The following GALNT17 variants were observed in gnomAD, a reference collection of about 807,000 sequenced individuals.
The protein encoded by GALNT17 is UDP-GalNAc:polypeptide N-acetylgalactosaminyltransferase-like 3.
Under a neutral mutation model 63.7 loss-of-function variants are expected in GALNT17, and 29 were observed. The ratio of observed to expected loss-of-function variants is 0.46; its 90% CI spans 0.34 to 0.62. GALNT17 has a LOEUF of 0.62. GALNT17 is among the 20% of genes least tolerant of loss of function. GALNT17 has a pLI of 0.01. For missense variants in GALNT17, 603 were observed against 799.6 expected (o/e 0.75, Z 2.97); for synonymous variants, 305 against 318.3 (o/e 0.96, Z 0.45).
chr7:71,326,247 C>T (rs1218146790), intron 1 of GALNT17, among the ~76,000 whole-genome samples: 5 of 152,130 alleles, frequency 3.3e-5, no homozygotes, highest in African/African-American at 1.2e-4. Flanking sequence ...CGCTTGAGTC[C>T]AGGAGTTTGG....
intron 3 of GALNT17, among the ~76,000 whole-genome samples, chr7:71,404,036 T>C (rs1246576117): frequency 6.6e-6 from 1 of 152,202 alleles, no homozygotes; most frequent in Non-Finnish European, 1.5e-5. Context: ...CAAATGCCTT[T>C]GATGGGGTAA....
At chr7:71,701,702 G>T (rs1390862770) in intron 9 of GALNT17, among the ~76,000 whole-genome samples, 1 of 149,098 alleles carries the variant, frequency 6.7e-6, no homozygotes, top group Non-Finnish European at 1.5e-5. Flanking sequence ...AAGAGTGGAT[G>T]GGATAAAGAA....
At chr7:71,682,914 T>C (rs1217215895) in intron 9 of GALNT17, among the ~76,000 whole-genome samples, 1 of 152,038 alleles carries the variant, frequency 6.6e-6, no homozygotes, top group Non-Finnish European at 1.5e-5. Flanking sequence ...GGTGACCACC[T>C]TCTGACTCCC....
At position 71,366,588 on chromosome 7, in the gene GALNT17, A is replaced by AAAC. The variant is rs1401700845; in HGVS notation, c.423-21644_423-21642dup. 3.9e-5 allele frequency among the ~76,000 whole-genome samples: 6 copies of AAAC among 152,008 alleles called. 1 individual carries two copies. On this transcript the variant is annotated intron_variant, in intron 2 of 10. Coordinates refer to ENST00000333538, the MANE Select transcript of GALNT17 (RefSeq NM_022479.3). ...GAGCGAGACTCTGTCTCAAACAAAC[A>AAAC]AACAAACAAGAAATCCTCTTCAAGC... is the stretch of plus-strand genomic sequence containing the variant.
intron 6 of GALNT17, among the ~76,000 whole-genome samples, chr7:71,628,847 G>T (rs574798348): frequency 2.0e-5 from 3 of 152,078 alleles, no homozygotes; most frequent in African/African-American, 4.8e-5. Flanking sequence ...CACGAGAATC[G>T]CTTGAACCCA....
chr7:71,227,174 C>CAAAAAA (rs58450619), intron 1 of GALNT17, among the ~76,000 whole-genome samples: 21 of 60,820 alleles, frequency 3.5e-4, no homozygotes, highest in Admixed American at 6.2e-4. Context: ...ACCGTCTCTA[C>CAAAAAA]AAAAAAAAAA....
At chr7:71,308,774 A>T (rs1882572) in intron 1 of GALNT17, among the ~76,000 whole-genome samples, 10 of 149,756 alleles carry the variant, frequency 6.7e-5, no homozygotes, top group South Asian at 2.2e-4. Context: ...AACAGAGTCA[A>T]GCTCTGTTGC....
chr7:71,449,113 T>TC (rs1563101119), intron 5 of GALNT17, among the ~76,000 whole-genome samples: 3 of 119,192 alleles, frequency 2.5e-5, no homozygotes, highest in African/African-American at 9.7e-5. Context: ...ATTTTCTTTT[T>TC]TTTTTTTTTT....
At position 71,638,343 on chromosome 7, in the gene GALNT17, A is replaced by G. The variant is rs145176376; in HGVS notation, c.1081-27068A>G. On this transcript the variant is annotated intron_variant, in intron 6 of 10. Coordinates refer to ENST00000333538, the MANE Select transcript of GALNT17 (RefSeq NM_022479.3). ...TCTCATCCTGTCACTAAGAACACCTAGCCTCCTGGGAATGCAGCCCAGTAG... is the reference window on the plus strand; with the variant it reads ...TCTCATCCTGTCACTAAGAACACCTGGCCTCCTGGGAATGCAGCCCAGTAG... Among the ~76,000 whole-genome samples, 1,479 of 152,250 alleles carry G rather than the reference A, an allele frequency of 9.7e-3. 26 individuals carry two copies. Among genetic ancestry groups the G allele is most frequent in the African/African-American group, 0.034 (1,402 of 41,536 alleles).
chr7:71,134,376 C>G (rs2116136607), intron 1 of GALNT17, among the ~76,000 whole-genome samples: 1 of 152,326 alleles, frequency 6.6e-6, no homozygotes, highest in Middle Eastern at 3.4e-3. Context: ...TCTCAACTGT[C>G]TTCACTGTGG....
intron 1 of GALNT17, among the ~76,000 whole-genome samples, chr7:71,141,676 TTTC>T (rs1025381361): frequency 1.4e-5 from 2 of 141,828 alleles, no homozygotes; most frequent in African/African-American, 2.7e-5. Context: ...TCTTTCTTTC[TTTC>T]TTTTTTTTTT....
At chr7:71,651,947 C>T (rs1055046573) in intron 6 of GALNT17, among the ~76,000 whole-genome samples, 6 of 152,116 alleles carry the variant, frequency 3.9e-5, no homozygotes, top group Non-Finnish European at 2.9e-5. Context: ...GCAATCCCCC[C>T]CAGCTCGGCC....
intron 2 of GALNT17, among the ~76,000 whole-genome samples, chr7:71,336,429 C>T (rs1286521681): frequency 6.6e-6 from 1 of 152,084 alleles, no homozygotes; most frequent in East Asian, 1.9e-4. Context: ...CACAGGGGTT[C>T]AGCGTACAGA....
At chr7:71,413,977 C>CA (rs1324966142) in intron 3 of GALNT17, among the ~76,000 whole-genome samples, 2 of 152,102 alleles carry the variant, frequency 1.3e-5, no homozygotes, top group African/African-American at 4.8e-5. Context: ...CACAGTGGCT[C>CA]ATGCCTGTAA....
chr7:71,513,293 A>C (rs748665633), intron 5 of GALNT17, among the ~76,000 whole-genome samples: 35 of 152,194 alleles, frequency 2.3e-4, no homozygotes, highest in Non-Finnish European at 4.4e-4. Context: ...AGAGAGAAAA[A>C]TATAACAAAC....
At chr7:71,198,041 CA>C (rs1197784903) in intron 1 of GALNT17, among the ~76,000 whole-genome samples, 2 of 151,412 alleles carry the variant, frequency 1.3e-5, no homozygotes, top group East Asian at 3.9e-4. Context: ...ACTCAAATTA[CA>C]AAAAAATTAG....
chr7:71,671,244 C>T (rs528199780), intron 8 of GALNT17, among the ~76,000 whole-genome samples: 1 of 152,254 alleles, frequency 6.6e-6, no homozygotes, highest in East Asian at 1.9e-4. Flanking sequence ...GAATCGGTGA[C>T]ACACAGTCAG....
chr7:71,199,805 TCATC>T (rs1242246958), intron 1 of GALNT17, among the ~76,000 whole-genome samples: 1 of 151,000 alleles, frequency 6.6e-6, no homozygotes, highest in Admixed American at 6.6e-5. Context: ...TATTCATCCA[TCATC>T]CATCCATCCA....
intron 5 of GALNT17, among the ~76,000 whole-genome samples, chr7:71,543,800 CT>C (rs71089957): frequency 6.8e-6 from 1 of 146,916 alleles, no homozygotes; most frequent in Non-Finnish European, 1.5e-5. Flanking sequence ...TCTTTTCTTT[CT>C]TTTTTTTTTG....
Sources: allele counts gnomAD v4.1 joint callset (sites outside exome capture counted in the v4.1 genomes callset), GRCh38; gene constraint gnomAD v4.1.1; transcripts MANE v1.5; gene names NCBI Gene and HGNC (gene_info 2026-07-23, HGNC 2026-07-21).